Variants in RFX8 observed in about 807,000 individuals in gnomAD.
The protein encoded by RFX8 is regulatory factor X8, also known as DNA-binding protein RFX8.
Under a neutral mutation model 54.6 loss-of-function variants are expected in RFX8, and 46 were observed. The ratio of observed to expected loss-of-function variants is 0.84; its 90% CI spans 0.67 to 1.08. The LOEUF is 1.08. Ranked by LOEUF, RFX8 falls within the 50% of genes least tolerant of loss-of-function variation. RFX8 has a pLI of 0.00. For synonymous variants in RFX8, 192 were observed against 209.5 expected (o/e 0.92, Z 0.72); for missense variants, 536 against 562.3 (o/e 0.95, Z 0.47).
chr2:101,468,674 T>C (rs1689716857), intron 1 of RFX8, among the ~76,000 whole-genome samples: 1 of 151,924 alleles, frequency 6.6e-6, no homozygotes, highest in Non-Finnish European at 1.5e-5. Context: ...ATTTAACTAA[T>C]TACATCTACA....
chr2:101,462,968 G>A (rs1166856601), intron 2 of RFX8, among the ~76,000 whole-genome samples: 3 of 152,148 alleles, frequency 2.0e-5, no homozygotes, highest in African/African-American at 4.8e-5. Flanking sequence ...AGCAATAAGA[G>A]GCCATGCAGT....
At chr2:101,465,228 G>A (rs1039502036) in intron 2 of RFX8, among the ~76,000 whole-genome samples, 25 of 152,154 alleles carry the variant, frequency 1.6e-4, no homozygotes, top group African/African-American at 6.0e-4. Context: ...AAACTGAATA[G>A]GTGGCCGGGC....
At chr2:101,474,118 C>T in intron 1 of RFX8, 1 of 533,820 alleles carries the variant, frequency 1.9e-6, no homozygotes, top group Non-Finnish European at 3.3e-6. Flanking sequence ...CCCGGCGTCC[C>T]GAGGGCAGCC....
At chr2:101,413,889 G>A (rs1169173502) in intron 7 of RFX8, among the ~76,000 whole-genome samples, 1 of 152,124 alleles carries the variant, frequency 6.6e-6, no homozygotes. Context: ...TGCACTGGGA[G>A]GATGGGGCCC....
chr2:101,433,065 G>T (rs1687579006), intron 2 of RFX8, among the ~76,000 whole-genome samples: 1 of 152,142 alleles, frequency 6.6e-6, no homozygotes, highest in Non-Finnish European at 1.5e-5. Flanking sequence ...GCCCAGATGG[G>T]GAAGACCGGG....
chr2:101,438,550 C>A (rs1687909944), intron 2 of RFX8, among the ~76,000 whole-genome samples: 1 of 152,134 alleles, frequency 6.6e-6, no homozygotes, highest in Non-Finnish European at 1.5e-5. Context: ...TGTTTGTGTG[C>A]AAGTTTCTGT....
chr2:101,426,471 A>G (rs558858288), intron 2 of RFX8, among the ~76,000 whole-genome samples: 2 of 152,344 alleles, frequency 1.3e-5, no homozygotes. Flanking sequence ...GTGAGCTGTG[A>G]TCGTGCCACT....
chr2:101,399,659 C>G (rs1685316547), intron 11 of RFX8, among the ~76,000 whole-genome samples: 1 of 152,138 alleles, frequency 6.6e-6, no homozygotes, highest in African/African-American at 2.4e-5. Context: ...TTACTACATT[C>G]TAGGAAATAG....
intron 11 of RFX8, among the ~76,000 whole-genome samples, chr2:101,401,946 C>T (rs1250363668): frequency 6.6e-6 from 1 of 152,200 alleles, no homozygotes; most frequent in Non-Finnish European, 1.5e-5. Context: ...TATAGGATGG[C>T]ATGGCTTCGA....
In RFX8 at chr2:101,400,828, C is replaced by T. The variant is rs544963523; in HGVS notation, c.1245+1608G>A. Among the ~76,000 whole-genome samples, 12 of 152,284 alleles carry T rather than the reference C, an allele frequency of 7.9e-5. No individual in the cohort carries two copies. In the South Asian group the frequency reaches 8.3e-4, roughly 11 times the overall value. ...CAGAATGCTCCAGAGTACACTCAGGCGCTTTCCACTGGTGGCCCTTGGAGG... is the reference window on the plus strand; with the variant it reads ...CAGAATGCTCCAGAGTACACTCAGGTGCTTTCCACTGGTGGCCCTTGGAGG... On this transcript the variant is annotated intron_variant, in intron 11 of 11. Transcript: ENST00000428343.
At chr2:101,421,208 C>G (rs1686843580) in intron 4 of RFX8, 16 of 974,908 alleles carry the variant, frequency 1.6e-5, no homozygotes, top group Non-Finnish European at 2.0e-5. Flanking sequence ...GCACTTGTTT[C>G]CTTGGATTTT....
chr2:101,474,604 A>C, intron 1 of RFX8, 32 bp downstream of exon 1: 1 of 254,964 alleles, frequency 3.9e-6, no homozygotes, highest in Non-Finnish European at 7.4e-6. Context: ...CAACCAGTCA[A>C]ACAGGGACGC....
At chr2:101,436,539 C>A (rs965747256) in intron 2 of RFX8, among the ~76,000 whole-genome samples, 2 of 152,132 alleles carry the variant, frequency 1.3e-5, no homozygotes, top group Non-Finnish European at 2.9e-5. Context: ...CAGTTCCTCC[C>A]TTAGGCAAAT....
At chr2:101,429,050 T>C in intron 2 of RFX8, 1 of 1,397,252 alleles carries the variant, frequency 7.2e-7, no homozygotes, top group Non-Finnish European at 9.8e-7. Context: ...GAGAAGTAAT[T>C]TTAGCAAGAC....
At chr2:101,469,344 G>A (rs907714752) in intron 1 of RFX8, among the ~76,000 whole-genome samples, 26 of 151,604 alleles carry the variant, frequency 1.7e-4, no homozygotes, top group African/African-American at 5.6e-4. Context: ...TTGTAGAGAC[G>A]GTCTCACTAT....
intron 2 of RFX8, among the ~76,000 whole-genome samples, chr2:101,437,499 G>A: frequency 6.6e-6 from 1 of 151,900 alleles, no homozygotes; most frequent in East Asian, 1.9e-4. Flanking sequence ...GATCATTTGA[G>A]CCTAGGCGGT....
chr2:101,442,065 C>G (rs1048469429), intron 2 of RFX8, among the ~76,000 whole-genome samples: 2 of 152,184 alleles, frequency 1.3e-5, no homozygotes, highest in African/African-American at 2.4e-5. Flanking sequence ...GAGTACATCT[C>G]TTGGTATAGT....
At chr2:101,405,085 T>C (rs977594413) in intron 10 of RFX8, among the ~76,000 whole-genome samples, 19 of 151,878 alleles carry the variant, frequency 1.3e-4, no homozygotes, top group Admixed American at 1.2e-3. Context: ...AAATACCTTT[T>C]GAAGGAATGA....
intron 2 of RFX8, among the ~76,000 whole-genome samples, chr2:101,457,804 G>A (rs559839405): frequency 6.6e-6 from 1 of 152,258 alleles, no homozygotes; most frequent in East Asian, 1.9e-4. Context: ...AGTTGACAGT[G>A]GGGTGTTAAA....
Sources: gnomAD v4.1 joint callset for allele counts (sites outside exome capture counted in the v4.1 genomes callset) on GRCh38, gnomAD v4.1.1 for gene constraint, MANE v1.5 for transcripts, NCBI Gene and HGNC (gene_info 2026-07-23, HGNC 2026-07-21) for gene names.